CEP295: variants seen among roughly 807,000 people sequenced by gnomAD.
CEP295 encodes centrosomal protein 295.
A neutral mutation model predicts 291.6 loss-of-function variants in CEP295; 190 were observed. The observed-to-expected ratio is 0.65, with a 90% CI of 0.58 to 0.73. CEP295 has a LOEUF of 0.73. Among genes scored for constraint, CEP295 ranks in the 30% least tolerant of loss-of-function variants. The pLI, the probability that CEP295 is intolerant of heterozygous loss-of-function variation, is 0.00. For missense variants in CEP295, 2,863 were observed against 2,949.4 expected, an observed-to-expected ratio of 0.97 and a Z score of 0.68; for synonymous variants, 993 against 1,038.8, an observed-to-expected ratio of 0.96 and a Z score of 0.85.
chr11:93,706,663 C>T (rs1952528066), intron 17 of CEP295, 82 bp from the exon 18 acceptor site: 2 of 1,202,208 alleles, frequency 1.7e-6, no homozygotes, highest in East Asian at 5.2e-5. Flanking sequence ...GCTTAGATTT[C>T]TACCCATAAT....
chr11:93,665,002 C>T (rs527276482), intron 1 of CEP295, among the ~76,000 whole-genome samples: 2 of 152,130 alleles, frequency 1.3e-5, no homozygotes, highest in Admixed American at 6.6e-5. Context: ...TAAAATTAGT[C>T]CCCATCTGAA....
Position 93,729,514 on chromosome 11 carries a change from AAGGACAG to A in CEP295, c.7384_7390del (p.Arg2462HisfsTer21). ...TATCAGAACTTTCCATAGAAAAACC[AAGGACAG>A]CATCTACAGGTAAGCCTTGGACGGC... On this transcript the variant is annotated frameshift_variant, in exon 26 of 30. Coordinates refer to ENST00000325212, the MANE Select transcript of CEP295 (RefSeq NM_033395.2). LOFTEE classifies it high-confidence loss of function. 1 of 1,551,746 alleles carries A rather than the reference AAGGACAG, an allele frequency of 6.4e-7. No homozygotes were observed. Among genetic ancestry groups the A allele is most frequent in the Non-Finnish European group, 8.7e-7 (1 of 1,146,872 alleles).
intron 24 of CEP295, 182 bp downstream of exon 24, chr11:93,727,819 G>A: frequency 2.0e-6 from 1 of 505,140 alleles, no homozygotes; most frequent in South Asian, 3.5e-5. Flanking sequence ...ATGCCTGGCA[G>A]GAAAAACCTG....
At chr11:93,676,767 ACT>A (rs568698763) in intron 6 of CEP295, among the ~76,000 whole-genome samples, 67 of 152,006 alleles carry the variant, frequency 4.4e-4, no homozygotes, top group African/African-American at 1.5e-3. Context: ...TTTTTACCTA[ACT>A]CTGTCAGCAT....
chr11:93,701,671 T>G (rs1952168294), intron 15 of CEP295, among the ~76,000 whole-genome samples: 1 of 152,210 alleles, frequency 6.6e-6, no homozygotes, highest in Non-Finnish European at 1.5e-5. Flanking sequence ...TGACGTCATC[T>G]TGGCTCACTG....
rs1296023923 is a variant in CEP295, at chr11:93,697,511, G to A, written c.2599G>A (p.Ala867Thr). 1 of 1,551,848 alleles carries A rather than the reference G, an allele frequency of 6.4e-7. No individual in the cohort carries two copies. The highest frequency in any genetic ancestry group is 2.0e-5 in the Admixed American group (1 of 50,994). ...QKKVLQATQEAQEQLLLCKQK... is the reference protein window; with the variant it reads ...QKKVLQATQETQEQLLLCKQK... ...GAAAGTTCTTCAGGCAACTCAGGAA[G>A]CTCAGGAACAGTTGCTTTTGTGCAA... Residue 867 changes from alanine to threonine, a missense_variant, in exon 15 of 30, where the codon GCT becomes ACT. Ala to Thr is a moderately conservative substitution (Grantham distance 58, BLOSUM62 0). Around this residue, in one of 3 missense-constraint regions of CEP295, gnomAD observed 2,295 missense variants for 2,335.7 expected, o/e 0.98. Coordinates refer to ENST00000325212, the MANE Select transcript of CEP295 (RefSeq NM_033395.2).
At chr11:93,678,275 T>C (rs1194807122) in intron 6 of CEP295, among the ~76,000 whole-genome samples, 1 of 152,210 alleles carries the variant, frequency 6.6e-6, no homozygotes, top group Admixed American at 6.5e-5. Context: ...ATCATACATA[T>C]TGATATACTA....
chr11:93,690,208 G>A (rs1565453413), intron 10 of CEP295, among the ~76,000 whole-genome samples: 1 of 152,146 alleles, frequency 6.6e-6, no homozygotes, highest in Non-Finnish European at 1.5e-5. Context: ...TCAGGAGGTC[G>A]AGACCATCCT....
chr11:93,671,816 C>G (rs1002878429), intron 5 of CEP295, among the ~76,000 whole-genome samples: 6 of 152,202 alleles, frequency 3.9e-5, no homozygotes, highest in African/African-American at 1.4e-4. Flanking sequence ...GATATAGATG[C>G]ATCTGTATCA....
At chr11:93,682,597 A>G (rs202118962) in intron 7 of CEP295, among the ~76,000 whole-genome samples, 1 of 61,922 alleles carries the variant, frequency 1.6e-5, no homozygotes, top group Non-Finnish European at 4.3e-5. Flanking sequence ...GAAGGTTGTT[A>G]AAAAAAAAAA....
intron 1 of CEP295, among the ~76,000 whole-genome samples, chr11:93,665,451 T>C (rs1298728945): frequency 1.3e-5 from 2 of 152,230 alleles, no homozygotes; most frequent in Non-Finnish European, 2.9e-5. Flanking sequence ...CTCACACCTT[T>C]AATCCCAGCA....
In CEP295 at chr11:93,697,646, G is replaced by A. The variant is rs1951914305; in HGVS notation, c.2734G>A (p.Glu912Lys). 5 of 1,551,678 alleles carry A rather than the reference G, an allele frequency of 3.2e-6. No individual in the cohort carries two copies. The African/African-American group carries it at 4.1e-5, about 13-fold the overall frequency. ...SAKADLGRIQ[E>K]SSPTKNNIAV... is the part of the protein sequence containing the mutation. Reference sequence around the variant, plus strand: ...CAAAGCAGATTTGGGGAGAATCCAGGAATCTTCACCAACCAAGAATAATAT... The same window carrying A: ...CAAAGCAGATTTGGGGAGAATCCAGAAATCTTCACCAACCAAGAATAATAT... The change falls in exon 15 of 30, where the codon GAA becomes AAA. Residue 912 changes from glutamate to lysine, a missense_variant. Glu to Lys is a moderately conservative substitution (Grantham distance 56, BLOSUM62 1). Around this residue, in one of 3 missense-constraint regions of CEP295, gnomAD observed 2,295 missense variants for 2,335.7 expected, o/e 0.98. Coordinates refer to ENST00000325212, the MANE Select transcript of CEP295 (RefSeq NM_033395.2).
At chr11:93,708,333 T>C (rs1256928173) in intron 18 of CEP295, among the ~76,000 whole-genome samples, 2 of 152,200 alleles carry the variant, frequency 1.3e-5, no homozygotes, top group African/African-American at 4.8e-5. Flanking sequence ...ATAACCTTTG[T>C]TCTACTCTCT....
chr11:93,687,352 A>G (rs1175278152), intron 9 of CEP295, among the ~76,000 whole-genome samples: 1 of 152,208 alleles, frequency 6.6e-6, no homozygotes. Flanking sequence ...TAGCAAGCAA[A>G]ATAAACATCT....
chr11:93,719,146 C>T (rs1953495338), intron 18 of CEP295, among the ~76,000 whole-genome samples: 1 of 151,552 alleles, frequency 6.6e-6, no homozygotes, highest in Non-Finnish European at 1.5e-5. Flanking sequence ...GCTTTGTTTC[C>T]ACTTCATTAA....
At chr11:93,704,985 G>A (rs558738168) in intron 17 of CEP295, among the ~76,000 whole-genome samples, 8 of 151,946 alleles carry the variant, frequency 5.3e-5, no homozygotes, top group East Asian at 1.9e-4. Flanking sequence ...TTTTTGCTGC[G>A]GAGTCCATTA....
chr11:93,729,869 G>A lies in CEP295; in HGVS notation c.7568-1G>A. 6.5e-7 allele frequency: 1 copy of A among 1,543,282 alleles called. No individual in the cohort carries two copies. On this transcript the variant is annotated splice_acceptor_variant, in intron 27 of 29. Coordinates refer to ENST00000325212, the MANE Select transcript of CEP295 (RefSeq NM_033395.2). LOFTEE classifies it high-confidence loss of function. ...ACTTGATTTCACTTTTCTTTCCTCAGGTTCATCTGTGAGTCGTCTAAAGGG... is the reference window on the plus strand; with the variant it reads ...ACTTGATTTCACTTTTCTTTCCTCAAGTTCATCTGTGAGTCGTCTAAAGGG...
chr11:93,706,924 G>T (rs1313418321), intron 18 of CEP295, 27 bp downstream of exon 18: 2 of 1,503,652 alleles, frequency 1.3e-6, no homozygotes, highest in Admixed American at 4.4e-5. Flanking sequence ...AAGTGGAATT[G>T]TATGCACAAG....
chr11:93,679,509 A>C lies in CEP295; in HGVS notation c.722A>C (p.His241Pro). The change falls in exon 7 of 30, where the codon CAT becomes CCT. Residue 241 changes from histidine to proline, a missense_variant. Physicochemically the swap from His to Pro is moderately conservative, Grantham distance 77. Coordinates refer to ENST00000325212, the MANE Select transcript of CEP295 (RefSeq NM_033395.2). ...AGAATGGAACGGTTTGAAAAGGCACATGTACGGGGATTCCAAGCAATGAAG... is the reference window on the plus strand; with the variant it reads ...AGAATGGAACGGTTTGAAAAGGCACCTGTACGGGGATTCCAAGCAATGAAG... Reference protein sequence around the residue: ...QERMERFEKAHVRGFQAMKKI... With the variant: ...QERMERFEKAPVRGFQAMKKI... The C allele has an allele frequency of 6.4e-7, 1 of 1,551,502 alleles. No individual in the cohort carries two copies. Among genetic ancestry groups the C allele is most frequent in the Non-Finnish European group, 8.7e-7 (1 of 1,146,866 alleles).
Sources: gnomAD v4.1 joint callset for allele counts (sites outside exome capture counted in the v4.1 genomes callset) on GRCh38, gnomAD v4.1.1 for gene constraint, gnomAD v4.1.1 regional missense constraint, MANE v1.5 for transcripts, NCBI Gene and HGNC (gene_info 2026-07-23, HGNC 2026-07-21) for gene names.